The following SVOP variants were observed in gnomAD, a reference collection of about 807,000 sequenced individuals.
SVOP encodes SV2 related protein.
Under a neutral mutation model 69.1 loss-of-function variants are expected in SVOP, and 17 were observed. That is an observed-to-expected ratio of 0.25 (90% confidence interval 0.17 to 0.37). The LOEUF (loss-of-function observed/expected upper bound fraction) is 0.37, where lower values mean the gene tolerates loss of function less well. Among genes scored for constraint, SVOP ranks in the 10% least tolerant of loss-of-function variants. The pLI is 1.00. For synonymous variants in SVOP, 238 were observed against 238.6 expected (o/e 1.00, Z 0.02); for missense variants, 435 against 597.5 (o/e 0.73, Z 2.84).
rs2039683827 is a variant in SVOP at position 108,911,681 on chromosome 12, C to G, written c.*854G>C. The G allele has an allele frequency of 6.6e-6, 1 of 152,242 alleles. No homozygotes were observed. The highest frequency in any genetic ancestry group is 1.5e-5 in the Non-Finnish European group (1 of 68,090). 9.4% of individuals were successfully genotyped at this position (152,242 alleles called of 1,614,324 possible). A position where few individuals can be genotyped will look rare whatever the true frequency, so the allele number is the denominator to read the frequency against. On this transcript the variant is annotated 3_prime_UTR_variant, in exon 16 of 16. Coordinates refer to ENST00000610966, the MANE Select transcript of SVOP (RefSeq NM_018711.5). ...CTCCAGCCTGGGCGACAGATCAAGACTCCGTCTCAAAAAACAATAAAAGTC... is the reference window on the plus strand; with the variant it reads ...CTCCAGCCTGGGCGACAGATCAAGAGTCCGTCTCAAAAAACAATAAAAGTC...
chr12:108,972,405 T>G lies in SVOP; in HGVS notation c.453A>C (p.Thr151=). The G allele has an allele frequency of 2.6e-6, 4 of 1,537,184 alleles. No homozygotes were observed. Among genetic ancestry groups the G allele is most frequent in the Non-Finnish European group, 3.5e-6 (4 of 1,146,886 alleles). The change falls in exon 5 of 16, where the codon ACA becomes ACC. Residue 151 remains threonine, a splice_region_variant and synonymous_variant. Transcript: ENST00000610966. ...GTTTAGAAGAGTAAGTTTGCCTTAC[T>G]GTTTTCCTGCCGTACTGGTCTGAGA... The part of the protein sequence containing the change: ...GNISDQYGRK[T]GLKISVLWTL...
intron 1 of SVOP, among the ~76,000 whole-genome samples, chr12:109,011,748 C>T (rs896158298): frequency 6.6e-6 from 1 of 152,190 alleles, no homozygotes; most frequent in African/African-American, 2.4e-5. Flanking sequence ...GTGGTATAAA[C>T]ACAATGGAAT....
In SVOP at chr12:109,007,774, C is replaced by T. The variant is rs147889463; in HGVS notation, c.35+13060G>A. 1.5e-3 allele frequency among the ~76,000 whole-genome samples: 235 copies of T among 152,298 alleles called. 3 individuals carry two copies. Among genetic ancestry groups the T allele is most frequent in the Non-Finnish European group, 6.5e-4 (44 of 68,024 alleles). ...TCTAGTTTCAGCCAGCACAGTGGCT[C>T]ATGCCTATAATCCCAACACTTGGGA... On this transcript the variant is annotated intron_variant, in intron 1 of 15. Coordinates refer to ENST00000610966, the MANE Select transcript of SVOP (RefSeq NM_018711.5).
intron 15 of SVOP, among the ~76,000 whole-genome samples, chr12:108,913,818 C>A (rs1338864365): frequency 6.6e-6 from 1 of 152,072 alleles, no homozygotes; most frequent in Non-Finnish European, 1.5e-5. Context: ...CTGGCTAATT[C>A]TTTTGTATTT....
chr12:108,943,196 C>T (rs956475245), intron 7 of SVOP, among the ~76,000 whole-genome samples: 9 of 152,172 alleles, frequency 5.9e-5, no homozygotes, highest in Non-Finnish European at 1.5e-5. Context: ...CCCCCAAGAA[C>T]CTTCCAAAGT....
At chr12:109,004,690 G>T (rs964547846) in intron 1 of SVOP, among the ~76,000 whole-genome samples, 7 of 149,708 alleles carry the variant, frequency 4.7e-5, no homozygotes, top group Non-Finnish European at 1.0e-4. Flanking sequence ...ACCATGCCCG[G>T]CCTGATACAA....
intron 10 of SVOP, among the ~76,000 whole-genome samples, chr12:108,936,614 C>G (rs2039857622): frequency 6.6e-6 from 1 of 152,036 alleles, no homozygotes; most frequent in African/African-American, 2.4e-5. Flanking sequence ...TAGCTGGGAC[C>G]ACAGGTGCAT....
At chr12:108,991,251 C>T (rs139336666) in intron 1 of SVOP, among the ~76,000 whole-genome samples, 135,223 of 152,126 alleles carry the variant, frequency 0.89, 61,232 homozygotes, top group Non-Finnish European at 0.99. Flanking sequence ...GAAGGTGGGA[C>T]CCAGGACATC....
At chr12:108,933,192 T>C (rs2039832335) in intron 11 of SVOP, among the ~76,000 whole-genome samples, 1 of 152,144 alleles carries the variant, frequency 6.6e-6, no homozygotes, top group Non-Finnish European at 1.5e-5. Flanking sequence ...TTTCAGCCTC[T>C]TTTCTGTGAA....
chr12:108,934,417 T>G (rs2039843867), intron 10 of SVOP, 146 bp from the exon 11 acceptor site: 3 of 625,444 alleles, frequency 4.8e-6, no homozygotes, highest in South Asian at 4.0e-5. Flanking sequence ...ACTGGGGACC[T>G]TGAGCAAGAA....
intron 2 of SVOP, among the ~76,000 whole-genome samples, chr12:108,979,302 C>A (rs1275087882): frequency 6.6e-6 from 1 of 152,144 alleles, no homozygotes; most frequent in Non-Finnish European, 1.5e-5. Context: ...CTCGGTGGTA[C>A]AATCATAGCT....
At chr12:108,952,624 C>A (rs1197117072) in intron 6 of SVOP, among the ~76,000 whole-genome samples, 1 of 152,160 alleles carries the variant, frequency 6.6e-6, no homozygotes, top group Non-Finnish European at 1.5e-5. Flanking sequence ...ATGGGAGGAT[C>A]ACTTGAGTTC....
chr12:108,992,126 C>G (rs1174817346), intron 1 of SVOP, among the ~76,000 whole-genome samples: 1 of 152,102 alleles, frequency 6.6e-6, no homozygotes, highest in East Asian at 1.9e-4. Flanking sequence ...GATACTCCCA[C>G]GATGGCTTGT....
intron 6 of SVOP, among the ~76,000 whole-genome samples, chr12:108,959,466 G>A (rs1305818499): frequency 1.3e-5 from 2 of 149,650 alleles, no homozygotes; most frequent in Non-Finnish European, 3.0e-5. Context: ...CGATTCTCCT[G>A]CCTTAGCCTC....
chr12:108,976,597 CCT>C (rs543526244), intron 4 of SVOP, among the ~76,000 whole-genome samples: 3 of 146,370 alleles, frequency 2.0e-5, no homozygotes, highest in African/African-American at 7.5e-5. Context: ...CCTGGCCATT[CCT>C]CTCTCTCTCT....
At chr12:108,978,187 G>T (rs142160430) in intron 3 of SVOP, among the ~76,000 whole-genome samples, 101,882 of 152,034 alleles carry the variant, frequency 0.67, 34,643 homozygotes, top group East Asian at 0.79. Context: ...AGGTTTGGCT[G>T]TACTCTTTGC....
chr12:108,998,353 A>G (rs1181389506), intron 1 of SVOP, among the ~76,000 whole-genome samples: 4 of 152,098 alleles, frequency 2.6e-5, no homozygotes, highest in Non-Finnish European at 4.4e-5. Context: ...CCTGAAAGTG[A>G]TGGGGAGAAT....
intron 8 of SVOP, among the ~76,000 whole-genome samples, chr12:108,939,864 T>C (rs1007368444): frequency 2.0e-5 from 3 of 152,194 alleles, no homozygotes; most frequent in African/African-American, 7.2e-5. Flanking sequence ...GAAGTGACTG[T>C]GCAGTCTCCA....
intron 13 of SVOP, among the ~76,000 whole-genome samples, chr12:108,919,386 T>G (rs989992998): frequency 4.0e-5 from 6 of 148,284 alleles, no homozygotes; most frequent in African/African-American, 1.5e-4. Flanking sequence ...CACCTGGGCC[T>G]ATACCCACAC....
Sources: gnomAD v4.1 joint callset for allele counts (sites outside exome capture counted in the v4.1 genomes callset) on GRCh38, gnomAD v4.1.1 for gene constraint, MANE v1.5 for transcripts, NCBI Gene and HGNC (gene_info 2026-07-23, HGNC 2026-07-21) for gene names.